The following DLG1 variants were observed in gnomAD, a reference collection of about 807,000 sequenced individuals.
DLG1 encodes the protein disks large homolog 1.
In DLG1, 42 loss-of-function variants were observed where a neutral mutation model predicts 123.4. The observed-to-expected ratio is 0.34, with a 90% CI of 0.27 to 0.44. DLG1 has a LOEUF of 0.44. Among genes scored for constraint, DLG1 ranks in the 20% least tolerant of loss-of-function variants. DLG1 has a pLI of 1.00. For synonymous variants in DLG1, 317 were observed against 356.2 expected (o/e 0.89, Z 1.24); for missense variants, 942 against 1,082.6 (o/e 0.87, Z 1.82).
chr3:197,103,449 C>A (rs138277656), intron 14 of DLG1, among the ~76,000 whole-genome samples: 11 of 152,008 alleles, frequency 7.2e-5, no homozygotes, highest in African/African-American at 2.7e-4. Context: ...ATATAGTGTA[C>A]CTACGGGGTG....
rs751170721 is a variant in DLG1 at position 197,076,679 on chromosome 3, A to G, written c.1912T>C (p.Phe638Leu). 1.2e-6 allele frequency: 2 copies of G among 1,611,796 alleles called. No homozygotes were observed. The highest frequency in any genetic ancestry group is 3.3e-5 in the Admixed American group (2 of 59,962). Reference sequence around the variant, plus strand: ...AGGTTCTTTTTACGCTTGTCATTGAATGACTGCTGAAGAAGAGAAGGAGGG... The same window carrying G: ...AGGTTCTTTTTACGCTTGTCATTGAGTGACTGCTGAAGAAGAGAAGGAGGG... ...NSKTRDKGQS[F>L]NDKRKKNLFS... The change falls in exon 18 of 25, where the codon TTC becomes CTC. Residue 638 changes from phenylalanine (F) to leucine (L), a missense_variant. Transcript: ENST00000667157.
intron 4 of DLG1, among the ~76,000 whole-genome samples, chr3:197,205,346 CAAAA>C (rs1727971694): frequency 1.3e-5 from 2 of 151,848 alleles, no homozygotes; most frequent in Non-Finnish European, 2.9e-5. Context: ...TCAGAAATGA[CAAAA>C]AAACTAGAAA....
intron 4 of DLG1, among the ~76,000 whole-genome samples, chr3:197,219,046 G>T (rs753224150): frequency 6.6e-6 from 1 of 151,948 alleles, no homozygotes. Context: ...CAGGAGAATC[G>T]CTTGAACCCA....
intron 4 of DLG1, among the ~76,000 whole-genome samples, chr3:197,223,574 T>C (rs766229213): frequency 2.0e-5 from 3 of 152,278 alleles, no homozygotes; most frequent in Non-Finnish European, 4.4e-5. Flanking sequence ...GGAATTTACA[T>C]AGTAAGATTA....
intron 18 of DLG1, among the ~76,000 whole-genome samples, chr3:197,071,837 A>C (rs1744145372): frequency 6.6e-6 from 1 of 152,212 alleles, no homozygotes; most frequent in Non-Finnish European, 1.5e-5. Flanking sequence ...TGCGCTAGGA[A>C]TGGGCAAACT....
intron 4 of DLG1, among the ~76,000 whole-genome samples, chr3:197,272,900 C>T (rs987301534): frequency 1.3e-5 from 2 of 152,076 alleles, no homozygotes; most frequent in African/African-American, 2.4e-5. Context: ...CTTTTTTAAA[C>T]TGAGATAAAA....
At chr3:197,122,542 C>T (rs997505917) in intron 11 of DLG1, among the ~76,000 whole-genome samples, 1 of 152,016 alleles carries the variant, frequency 6.6e-6, no homozygotes, top group South Asian at 2.1e-4. Flanking sequence ...TGGTTATATA[C>T]GTAGACGATC....
At chr3:197,269,040 A>G (rs573181776) in intron 4 of DLG1, among the ~76,000 whole-genome samples, 1 of 152,306 alleles carries the variant, frequency 6.6e-6, no homozygotes, top group East Asian at 1.9e-4. Context: ...TTCTTCTGGA[A>G]TACCTCCTGA....
At chr3:197,292,565 G>A (rs1775465360) in intron 3 of DLG1, among the ~76,000 whole-genome samples, 1 of 152,164 alleles carries the variant, frequency 6.6e-6, no homozygotes, top group Non-Finnish European at 1.5e-5. Flanking sequence ...CTCCTGAACT[G>A]TACATTTAAA....
At chr3:197,120,255 A>G (rs1359134398) in intron 11 of DLG1, among the ~76,000 whole-genome samples, 2 of 143,948 alleles carry the variant, frequency 1.4e-5, no homozygotes. Context: ...ACAGAGTGAG[A>G]TGCCCTGTCT....
intron 5 of DLG1, among the ~76,000 whole-genome samples, chr3:197,189,803 G>T (rs1376909503): frequency 1.3e-5 from 2 of 152,278 alleles, no homozygotes; most frequent in East Asian, 3.9e-4. Context: ...AACGTGTCAG[G>T]AAAGGTTTAC....
intron 5 of DLG1, among the ~76,000 whole-genome samples, chr3:197,190,440 T>A (rs1369707506): frequency 6.6e-6 from 1 of 152,202 alleles, no homozygotes; most frequent in Admixed American, 6.5e-5. Context: ...GGGTTTTGCA[T>A]CCTACAAATA....
chr3:197,123,161 C>T (rs1049615753), intron 11 of DLG1, among the ~76,000 whole-genome samples: 4 of 152,036 alleles, frequency 2.6e-5, no homozygotes, highest in Non-Finnish European at 5.9e-5. Context: ...CAAAATGGAT[C>T]GGACCTAAAT....
chr3:197,279,469 C>T (rs1370996295), intron 4 of DLG1, among the ~76,000 whole-genome samples: 1 of 152,140 alleles, frequency 6.6e-6, no homozygotes, highest in African/African-American at 2.4e-5. Flanking sequence ...AGAGTCTATT[C>T]ATGAATATGA....
intron 15 of DLG1, among the ~76,000 whole-genome samples, chr3:197,088,970 G>T (rs1445104805): frequency 6.6e-6 from 1 of 152,214 alleles, no homozygotes; most frequent in Non-Finnish European, 1.5e-5. Flanking sequence ...TGATGGTGAT[G>T]AGACTGAATG....
At chr3:197,117,498 T>C (rs1773944449) in intron 12 of DLG1, among the ~76,000 whole-genome samples, 2 of 152,168 alleles carry the variant, frequency 1.3e-5, no homozygotes, top group Admixed American at 1.3e-4. Context: ...AGTATTGTCA[T>C]AAAAACAAAT....
intron 4 of DLG1, among the ~76,000 whole-genome samples, chr3:197,197,621 T>C (rs140333410): frequency 2.3e-4 from 35 of 152,296 alleles, no homozygotes; most frequent in African/African-American, 8.2e-4. Flanking sequence ...ATCAGGCACT[T>C]TTCCCCCACA....
intron 5 of DLG1, among the ~76,000 whole-genome samples, chr3:197,191,190 T>C (rs528431212): frequency 6.6e-6 from 1 of 152,240 alleles, no homozygotes; most frequent in African/African-American, 2.4e-5. Flanking sequence ...TGTGAATTTT[T>C]TGAATTAATT....
chr3:197,085,799 A>G lies in DLG1; in HGVS notation c.1662-43T>C, dbSNP rs113315886. The G allele has an allele frequency of 1.6e-5, 25 of 1,551,602 alleles. No homozygotes were observed. In the African/African-American group the frequency reaches 2.1e-4, roughly 13 times the overall value. ...AAAGTCCATAATCACTTGTTATAAT[A>G]TTAATCAACATATCATAGGGTTCTG... On this transcript the variant is annotated intron_variant, in intron 15 of 24. Coordinates refer to ENST00000667157, the MANE Select transcript of DLG1 (RefSeq NM_001366207.1).
Sources: allele counts gnomAD v4.1 joint callset (sites outside exome capture counted in the v4.1 genomes callset), GRCh38; gene constraint gnomAD v4.1.1; transcripts MANE v1.5; gene names NCBI Gene and HGNC (gene_info 2026-07-23, HGNC 2026-07-21).